CDKL5: variants seen among roughly 807,000 people sequenced by gnomAD.
CDKL5 encodes the protein cyclin dependent kinase like 5.
In CDKL5, 8 loss-of-function variants were observed where a neutral mutation model predicts 61.7. The observed-to-expected ratio is 0.13, with a 90% CI of 0.08 to 0.23. The LOEUF (loss-of-function observed/expected upper bound fraction) is 0.23. Ranked by LOEUF, CDKL5 falls within the 10% of genes least tolerant of loss-of-function variation. The pLI, the probability that CDKL5 is intolerant of heterozygous loss-of-function variation, is 1.00. For missense variants in CDKL5, 440 were observed against 734.5 expected (o/e 0.60, Z 4.63); for synonymous variants, 275 against 272.3 (o/e 1.01, Z -0.10).
At chrX:18,622,822 G>A (rs1015512542) in intron 16 of CDKL5, among the ~76,000 whole-genome samples, 1 of 111,823 alleles carries the variant, frequency 8.9e-6, no homozygotes, top group South Asian at 3.8e-4. Context: ...ACCCGCCTCT[G>A]TGGGGAGCCT....
chrX:18,468,451 A>G (rs1427960483), intron 1 of CDKL5, among the ~76,000 whole-genome samples: 1 of 112,382 alleles, frequency 8.9e-6, no homozygotes, highest in Non-Finnish European at 1.9e-5. Flanking sequence ...TTGGAGCTGA[A>G]GAAATCCTTC....
intron 3 of CDKL5, among the ~76,000 whole-genome samples, chrX:18,555,746 T>TAC (rs1924580346): frequency 8.9e-6 from 1 of 112,365 alleles, no homozygotes; most frequent in South Asian, 3.7e-4. Context: ...CTTCTATGTA[T>TAC]ATAAGACAGC....
Position 18,632,079 on chromosome X carries a change from C to T in CDKL5, c.*3322C>T. On this transcript the variant is annotated 3_prime_UTR_variant, in exon 18 of 18. Coordinates refer to ENST00000623535, the MANE Select transcript of CDKL5 (RefSeq NM_001323289.2). ...AACAGTGGTCCAGCCCCAAGCACTACTAGTGCTGAGGTTGAGAAACCCTGC... is the reference window on the plus strand; with the variant it reads ...AACAGTGGTCCAGCCCCAAGCACTATTAGTGCTGAGGTTGAGAAACCCTGC... 1 of 714,095 alleles carries T rather than the reference C, an allele frequency of 1.4e-6. No homozygotes were observed. The highest frequency in any genetic ancestry group is 1.7e-6 in the Non-Finnish European group (1 of 602,544). 58.8% of individuals were successfully genotyped at this position (714,095 alleles called of 1,213,427 possible). A position where few individuals can be genotyped will look rare whatever the true frequency, so the allele number is the denominator to read the frequency against.
chrX:18,525,672 G>A (rs1923408605), intron 3 of CDKL5, among the ~76,000 whole-genome samples: 1 of 110,119 alleles, frequency 9.1e-6, no homozygotes. Flanking sequence ...ATAGCTTCTG[G>A]GGATTTGGAT....
intron 3 of CDKL5, among the ~76,000 whole-genome samples, chrX:18,560,921 A>G (rs1924784222): frequency 3.6e-5 from 4 of 112,015 alleles, no homozygotes; most frequent in Non-Finnish European, 1.9e-5. Flanking sequence ...AATAGGCCTC[A>G]TACTTCTTTT....
intron 1 of CDKL5, among the ~76,000 whole-genome samples, chrX:18,437,946 A>G (rs753697371): frequency 2.7e-5 from 3 of 112,254 alleles, no homozygotes; most frequent in Admixed American, 9.5e-5. Context: ...ACTTTTGCCC[A>G]CTGTTCCTCT....
At chrX:18,435,903 C>G (rs755842425) in intron 1 of CDKL5, among the ~76,000 whole-genome samples, 44 of 111,109 alleles carry the variant, frequency 4.0e-4, no homozygotes, top group Non-Finnish European at 1.1e-4. Flanking sequence ...CTGCAGAACA[C>G]TATGGGAGTG....
At chrX:18,512,977 G>C (rs945645965) in intron 3 of CDKL5, among the ~76,000 whole-genome samples, 3 of 110,639 alleles carry the variant, frequency 2.7e-5, no homozygotes, top group Non-Finnish European at 5.7e-5. Flanking sequence ...TCTAATCTTG[G>C]GTTTTAAAAC....
chrX:18,585,958 A>G (rs1569215239), intron 8 of CDKL5, among the ~76,000 whole-genome samples: 2 of 111,349 alleles, frequency 1.8e-5, no homozygotes, highest in African/African-American at 6.5e-5. Flanking sequence ...TGTTTAAGTT[A>G]CTCACTGAGG....
intron 1 of CDKL5, among the ~76,000 whole-genome samples, chrX:18,434,060 T>C (rs1203435029): frequency 2.7e-5 from 3 of 111,858 alleles, no homozygotes; most frequent in African/African-American, 9.8e-5. Context: ...CCTGCCTGCA[T>C]CATTTTCTTC....
chrX:18,652,407 G>A (rs1264425550), intron 21 of CDKL5, among the ~76,000 whole-genome samples: 2 of 112,428 alleles, frequency 1.8e-5, no homozygotes, highest in Non-Finnish European at 3.8e-5. Flanking sequence ...AGTGGCTCAC[G>A]CCTGTAATCC....
intron 9 of CDKL5, among the ~76,000 whole-genome samples, chrX:18,591,378 T>A (rs2283721): frequency 0.023 from 2,541 of 111,600 alleles, 71 homozygotes; most frequent in East Asian, 0.19. Flanking sequence ...GAGAAGTGAT[T>A]AACCAGTCTG....
chrX:18,467,337 G>A (rs1264269784), intron 1 of CDKL5, among the ~76,000 whole-genome samples: 2 of 111,491 alleles, frequency 1.8e-5, no homozygotes, highest in Non-Finnish European at 3.8e-5. Flanking sequence ...GGTGGAGGTT[G>A]GTGGGGGAGG....
chrX:18,547,546 G>T (rs1425086963), intron 3 of CDKL5, among the ~76,000 whole-genome samples: 1 of 112,211 alleles, frequency 8.9e-6, no homozygotes, highest in African/African-American at 3.2e-5. Context: ...GGTTTACAGT[G>T]TTCTTTGGCT....
intron 3 of CDKL5, chrX:18,535,007 G>A (rs1190756344): frequency 8.9e-6 from 1 of 112,272 alleles, no homozygotes; most frequent in Non-Finnish European, 1.9e-5. Context: ...CCCCCAATGA[G>A]TGCAATCATT....
intron 10 of CDKL5, among the ~76,000 whole-genome samples, chrX:18,597,294 A>G: frequency 9.0e-6 from 1 of 110,504 alleles, no homozygotes; most frequent in Non-Finnish European, 1.9e-5. Context: ...TCAAAGAGAA[A>G]TATTCTCTTT....
At chrX:18,571,235 C>G (rs1925125983) in intron 4 of CDKL5, among the ~76,000 whole-genome samples, 1 of 111,374 alleles carries the variant, frequency 9.0e-6, no homozygotes, top group African/African-American at 3.3e-5. Flanking sequence ...CCTTGCCGTT[C>G]AGCTAAATGG....
At chrX:18,602,815 TG>T (rs1926221621) in intron 11 of CDKL5, among the ~76,000 whole-genome samples, 1 of 112,097 alleles carries the variant, frequency 8.9e-6, no homozygotes, top group Non-Finnish European at 1.9e-5. Context: ...TAGTGTGTCA[TG>T]GGAACAAAAC....
chrX:18,484,713 A>G (rs1274562506), intron 1 of CDKL5, among the ~76,000 whole-genome samples: 1 of 110,557 alleles, frequency 9.0e-6, no homozygotes. Context: ...TGTTTTTGAC[A>G]CAGGATCTCA....
Sources: gnomAD v4.1 joint callset for allele counts (sites outside exome capture counted in the v4.1 genomes callset) on GRCh38, gnomAD v4.1.1 for gene constraint, MANE v1.5 for transcripts, NCBI Gene and HGNC (gene_info 2026-07-23, HGNC 2026-07-21) for gene names.